NRN1: variants seen among roughly 807,000 people sequenced by gnomAD.
NRN1 encodes the protein neuritin 1.
NRN1 carries 4 observed loss-of-function variants against 15.0 expected under a neutral mutation model. The ratio of observed to expected loss-of-function variants is 0.27; its 90% CI spans 0.13 to 0.61. The LOEUF is 0.61. Ranked by LOEUF, NRN1 falls within the 20% of genes least tolerant of loss-of-function variation. The probability of loss-of-function intolerance (pLI) is 0.87; values close to 1 mark genes in which losing one functional copy is unlikely to be tolerated. For synonymous variants in NRN1, 85 were observed against 79.8 expected, an observed-to-expected ratio of 1.07 and a Z score of -0.35; for missense variants, 134 against 181.9, an observed-to-expected ratio of 0.74 and a Z score of 1.51.
rs1204178645 is a variant in NRN1 at position 5,998,404 on chromosome 6, A to G, written c.*572T>C. ...TCTCTCCCTCCTATCCTCCAAACAC[A>G]AAGCCAACAGTCTGTCCTTTCGCTT... On this transcript the variant is annotated 3_prime_UTR_variant, in exon 3 of 3. Coordinates refer to ENST00000244766, the MANE Select transcript of NRN1 (RefSeq NM_016588.3). The G allele has an allele frequency of 6.6e-6, 1 of 152,486 alleles. No individual in the cohort carries two copies. Among genetic ancestry groups the G allele is most frequent in the Admixed American group, 6.5e-5 (1 of 15,292 alleles). 9.4% of individuals were successfully genotyped at this position (152,486 alleles called of 1,614,324 possible).
At chr6:6,002,299 G>T (rs1757970454) in intron 2 of NRN1, 54 bp downstream of exon 2, 2 of 1,595,234 alleles carry the variant, frequency 1.3e-6, no homozygotes, top group East Asian at 2.2e-5. Context: ...GGCACTCTCC[G>T]ACCTCAGTAG....
intron 1 of NRN1, among the ~76,000 whole-genome samples, chr6:6,004,704 T>A (rs1430264491): frequency 2.0e-5 from 3 of 152,312 alleles, no homozygotes; most frequent in Admixed American, 6.5e-5. Flanking sequence ...GGCGCACGCG[T>A]CCCAGCAGGT....
upstream of NRN1, chr6:6,007,487 C>G (rs997277456): frequency 6.5e-6 from 1 of 152,708 alleles, no homozygotes; most frequent in Non-Finnish European, 1.5e-5. Flanking sequence ...GCTTGCCTAC[C>G]CTCTTTTTCT....
At chr6:6,001,962 G>C (rs1373851802) in intron 2 of NRN1, among the ~76,000 whole-genome samples, 1 of 152,240 alleles carries the variant, frequency 6.6e-6, no homozygotes, top group Admixed American at 6.5e-5. Flanking sequence ...GTTCACGCAA[G>C]AGCAAAGAAT....
Position 6,000,019 on chromosome 6 carries a change from C to T in NRN1, c.201-815G>A, listed in dbSNP as rs1297420373. On this transcript the variant is annotated intron_variant, in intron 2 of 2. Coordinates refer to ENST00000244766, the MANE Select transcript of NRN1 (RefSeq NM_016588.3). ...ATCTGCTCTTGCGAATCCAAGTGTCCCAGGCCTGCGCGTTGGGTCCCTCCT... is the reference window on the plus strand; with the variant it reads ...ATCTGCTCTTGCGAATCCAAGTGTCTCAGGCCTGCGCGTTGGGTCCCTCCT... Among the ~76,000 whole-genome samples, 3 of 152,294 alleles carry T rather than the reference C, an allele frequency of 2.0e-5. No individual in the cohort carries two copies. In the East Asian group the frequency reaches 5.8e-4, roughly 29 times the overall value.
chr6:6,006,724 T>C lies in NRN1; in HGVS notation c.26A>G (p.Tyr9Cys). 2 of 1,614,158 alleles carry C rather than the reference T, an allele frequency of 1.2e-6. No individual in the cohort carries two copies. Among genetic ancestry groups the C allele is most frequent in the African/African-American group, 1.3e-5 (1 of 75,042 alleles). Residue 9 changes from tyrosine (Y) to cysteine (C), a missense_variant, in exon 1 of 3, where the codon TAT becomes TGT. Tyr to Cys is a radical substitution (Grantham distance 194). Transcript: ENST00000244766. Reference protein sequence around the residue: MGLKLNGRYISLILAVQIA... With the variant: MGLKLNGRCISLILAVQIA... ...TTGCACCGCGAGGATCAGTGAAATATATCTGCCGTTCAACTTAAGTCCCAT... is the reference window on the plus strand; with the variant it reads ...TTGCACCGCGAGGATCAGTGAAATACATCTGCCGTTCAACTTAAGTCCCAT...
intron 2 of NRN1, among the ~76,000 whole-genome samples, chr6:6,000,289 A>C (rs985915907): frequency 6.6e-6 from 1 of 152,228 alleles, no homozygotes. Flanking sequence ...CACAACCTTC[A>C]TCCAACCTGT....
rs642151 is a variant in NRN1 at position 6,003,953 on chromosome 6, G to A, written c.56-1456C>T. The A allele has an allele frequency of 3.5e-3, 4,243 of 1,225,892 alleles. 114 individuals are homozygous for A. The East Asian group carries it at 0.054, about 16-fold the overall frequency. The allele number at this position is 1,225,892 out of a possible 1,614,324, so 75.9% of individuals were successfully genotyped here. ...GCTTGTGTGTGAATGTGTCCCGGGA[G>A]GACCGGACACCTCAATCCCCCGGCC... On this transcript the variant is annotated intron_variant, in intron 1 of 2. Coordinates refer to ENST00000244766, the MANE Select transcript of NRN1 (RefSeq NM_016588.3).
At chr6:6,004,073 A>G (rs1758042226) in intron 1 of NRN1, 1 of 1,117,282 alleles carries the variant, frequency 9.0e-7, no homozygotes, top group South Asian at 4.4e-5. Context: ...CCCGTTTGCA[A>G]ATTGCTGCAG....
intron 1 of NRN1, 102 bp downstream of exon 1, chr6:6,006,593 C>T (rs1368471013): frequency 1.4e-5 from 15 of 1,101,646 alleles, no homozygotes; most frequent in Admixed American, 3.5e-5. Context: ...GGCTTCTCCG[C>T]ACCCTGGGGC....
Position 6,002,493 on chromosome 6 carries a change from A to G in NRN1, c.60T>C (p.Tyr20=). 1 of 1,613,544 alleles carries G rather than the reference A, an allele frequency of 6.2e-7. No individual in the cohort carries two copies. Among genetic ancestry groups the G allele is most frequent in the Non-Finnish European group, 8.5e-7 (1 of 1,179,748 alleles). Residue 20 remains tyrosine (Y), a synonymous_variant, in exon 2 of 3, where the codon TAT becomes TAC. Coordinates refer to ENST00000244766, the MANE Select transcript of NRN1 (RefSeq NM_016588.3). ...ISLILAVQIA[Y]LVQAVRAAGK... is the part of the protein sequence containing the mutation. Reference sequence around the variant, plus strand: ...CCGCTGCTCTCACGGCCTGCACCAGATACGCTGCGGGGAGGAGGGAACACC... The same window carrying G: ...CCGCTGCTCTCACGGCCTGCACCAGGTACGCTGCGGGGAGGAGGGAACACC...
rs752099075 is a variant in NRN1 at position 5,998,994 on chromosome 6, C to T, written c.411G>A (p.Ala137=). 2 of 1,611,880 alleles carry T rather than the reference C, an allele frequency of 1.2e-6. No homozygotes were observed. The highest frequency in any genetic ancestry group is 1.7e-6 in the Non-Finnish European group (2 of 1,179,244). ...CCCACGCTCAGAAGGAAAGCCAGGT[C>T]GCTAAAGCTGCCGAGAGAGACACCA... is the stretch of plus-strand genomic sequence containing the variant. ...VLLVSLSAAL[A]TWLSF Residue 137 remains alanine (A), a synonymous_variant, in exon 3 of 3, where the codon GCG becomes GCA. Transcript: ENST00000244766.
intron 1 of NRN1, among the ~76,000 whole-genome samples, chr6:6,006,276 T>C (rs1195220022): frequency 6.6e-6 from 1 of 152,200 alleles, no homozygotes; most frequent in African/African-American, 2.4e-5. Flanking sequence ...TTTCAGCACA[T>C]AAACTTTCCA....
rs1757975292 is a variant in NRN1 at position 6,002,381 on chromosome 6, C to A, written c.172G>T (p.Asp58Tyr). The stretch of plus-strand genomic sequence containing the variant: ...CACACGGTCTTGATGTTCGTCTTGT[C>A]GTCCAGGCCCTGCGGGTAGTTGGCC... ...SMANYPQGLD[D>Y]KTNIKTVCTY... Residue 58 changes from aspartate to tyrosine, a missense_variant, in exon 2 of 3, where the codon GAC becomes TAC. Asp to Tyr is a radical substitution (Grantham distance 160). Transcript: ENST00000244766. The A allele has an allele frequency of 2.5e-6, 4 of 1,614,098 alleles. No homozygotes were observed. Among genetic ancestry groups the A allele is most frequent in the African/African-American group, 2.7e-5 (2 of 74,944 alleles).
At chr6:5,999,420 TG>T (rs71540887) in intron 2 of NRN1, among the ~76,000 whole-genome samples, 4 of 151,898 alleles carry the variant, frequency 2.6e-5, no homozygotes, top group African/African-American at 7.2e-5. Context: ...AAAGCGGGGG[TG>T]GGGGGGCGCC....
At chr6:5,999,954 T>C (rs1036387943) in intron 2 of NRN1, among the ~76,000 whole-genome samples, 2 of 152,104 alleles carry the variant, frequency 1.3e-5, no homozygotes, top group African/African-American at 4.8e-5. Flanking sequence ...GGTCGGTGAG[T>C]GTTAGTGGCC....
In NRN1 at chr6:5,999,221, C is replaced by T. The variant is rs763579335; in HGVS notation, c.201-17G>A. ...TCCCAGTATCTGGTGAGGAACAGAA[C>T]AAAACAGAACAAGCAGGTTCACTTG... On this transcript the variant is annotated splice_polypyrimidine_tract_variant and intron_variant, in intron 2 of 2. Coordinates refer to ENST00000244766, the MANE Select transcript of NRN1 (RefSeq NM_016588.3). 3.8e-6 allele frequency: 6 copies of T among 1,599,222 alleles called. No individual in the cohort carries two copies. In the South Asian group the frequency reaches 4.4e-5, roughly 12 times the overall value.
chr6:6,002,282 G>A, intron 2 of NRN1, 71 bp downstream of exon 2: 1 of 1,555,774 alleles, frequency 6.4e-7, no homozygotes. Context: ...CGCAGGCGGG[G>A]AGGCTCGGCA....
chr6:6,005,602 A>G (rs1018787433), intron 1 of NRN1, among the ~76,000 whole-genome samples: 5 of 152,154 alleles, frequency 3.3e-5, no homozygotes, highest in African/African-American at 7.2e-5. Context: ...CAAACCAATT[A>G]CCTAAAGCAC....
Sources: allele counts gnomAD v4.1 joint callset (sites outside exome capture counted in the v4.1 genomes callset), GRCh38; gene constraint gnomAD v4.1.1; transcripts MANE v1.5; gene names NCBI Gene and HGNC (gene_info 2026-07-23, HGNC 2026-07-21).